Variants in LDB2 observed in about 807,000 individuals in gnomAD.
LDB2 encodes the protein LIM domain-binding protein 2.
Under a neutral mutation model 44.3 loss-of-function variants are expected in LDB2, and 12 were observed. The ratio of observed to expected loss-of-function variants is 0.27; its 90% CI spans 0.17 to 0.44. The LOEUF (loss-of-function observed/expected upper bound fraction) is 0.44. LDB2 is among the 20% of genes least tolerant of loss of function. LDB2 has a pLI of 1.00. For synonymous variants in LDB2, 164 were observed against 174.8 expected (o/e 0.94, Z 0.49); for missense variants, 344 against 473.5 (o/e 0.73, Z 2.54).
intron 1 of LDB2, among the ~76,000 whole-genome samples, chr4:16,807,427 G>A (rs1179620729): frequency 6.6e-6 from 1 of 152,192 alleles, no homozygotes; most frequent in Non-Finnish European, 1.5e-5. Flanking sequence ...CTGTGTGTGT[G>A]AGAAACAGAA....
chr4:16,812,629 A>ATG (rs1177533777), intron 1 of LDB2, among the ~76,000 whole-genome samples: 19 of 33,988 alleles, frequency 5.6e-4, no homozygotes, highest in African/African-American at 8.5e-4. Flanking sequence ...TGTATTAAAT[A>ATG]TATGTGTGTG....
intron 2 of LDB2, among the ~76,000 whole-genome samples, chr4:16,633,689 AAAGT>A (rs1732697225): frequency 6.6e-6 from 1 of 152,236 alleles, no homozygotes; most frequent in African/African-American, 2.4e-5. Flanking sequence ...CTCACTGCCC[AAAGT>A]AAGTTATAGG....
chr4:16,620,690 C>T (rs1728626827), intron 2 of LDB2, among the ~76,000 whole-genome samples: 1 of 152,146 alleles, frequency 6.6e-6, no homozygotes, highest in African/African-American at 2.4e-5. Flanking sequence ...CCAGCCCCTT[C>T]CCTTCCTCTT....
chr4:16,730,438 G>A (rs897958553), intron 2 of LDB2, among the ~76,000 whole-genome samples: 1 of 152,106 alleles, frequency 6.6e-6, no homozygotes, highest in Non-Finnish European at 1.5e-5. Context: ...AGCTCAGTGA[G>A]TCAATTAGGC....
At chr4:16,845,760 G>C (rs1034137920) in intron 1 of LDB2, among the ~76,000 whole-genome samples, 2 of 152,032 alleles carry the variant, frequency 1.3e-5, no homozygotes, top group African/African-American at 4.8e-5. Context: ...CTAATTTATG[G>C]GGATATTAAT....
chr4:16,763,864 C>CT (rs1432993711), intron 1 of LDB2, among the ~76,000 whole-genome samples: 1 of 151,804 alleles, frequency 6.6e-6, no homozygotes, highest in Non-Finnish European at 1.5e-5. Flanking sequence ...TTCTTTGCGT[C>CT]TGTTTGCTTG....
At chr4:16,510,618 A>G (rs1314425731) in intron 6 of LDB2, among the ~76,000 whole-genome samples, 1 of 152,156 alleles carries the variant, frequency 6.6e-6, no homozygotes, top group Non-Finnish European at 1.5e-5. Context: ...AAAATAATAG[A>G]CTTTGGAGAC....
At chr4:16,505,427 A>G (rs1413208576) in intron 7 of LDB2, among the ~76,000 whole-genome samples, 2 of 152,064 alleles carry the variant, frequency 1.3e-5, no homozygotes, top group African/African-American at 4.8e-5. Flanking sequence ...AGGGCTTCAT[A>G]TGCACATAGA....
intron 1 of LDB2, among the ~76,000 whole-genome samples, chr4:16,794,279 G>A (rs1776319192): frequency 1.3e-5 from 2 of 152,254 alleles, no homozygotes; most frequent in South Asian, 2.1e-4. Context: ...TTAGTTGACA[G>A]GAGGTGGAAG....
rs35227929 is a variant in LDB2, at chr4:16,634,296, C to CAA, written c.236-38423_236-38422dup. Among the ~76,000 whole-genome samples, 947 of 105,232 alleles carry CAA rather than the reference C, an allele frequency of 9.0e-3. 25 individuals carry two copies. Among genetic ancestry groups the CAA allele is most frequent in the Non-Finnish European group, 0.013 (718 of 54,414 alleles). 69.0% of individuals were successfully genotyped at this position (105,232 alleles called of 152,430 possible). ...ATTAAACTAAAGTCTTTTGCACGGC[C>CAA]AAAAAAAAAAAAAAAAAAAGCTATC... is the stretch of plus-strand genomic sequence containing the variant. On this transcript the variant is annotated intron_variant, in intron 2 of 7. Coordinates refer to ENST00000304523, the MANE Select transcript of LDB2 (RefSeq NM_001290.5).
intron 1 of LDB2, among the ~76,000 whole-genome samples, chr4:16,863,293 C>G (rs893482506): frequency 6.6e-6 from 1 of 152,152 alleles, no homozygotes; most frequent in Non-Finnish European, 1.5e-5. Context: ...ATCACCTCCC[C>G]CTTCTCCTCT....
chr4:16,553,617 G>T (rs564859430), intron 5 of LDB2, among the ~76,000 whole-genome samples: 9 of 152,190 alleles, frequency 5.9e-5, no homozygotes, highest in African/African-American at 1.7e-4. Context: ...AATGGAATTG[G>T]TACTCTTGAA....
intron 2 of LDB2, among the ~76,000 whole-genome samples, chr4:16,682,672 A>G (rs1748240600): frequency 6.6e-6 from 1 of 152,132 alleles, no homozygotes; most frequent in African/African-American, 2.4e-5. Flanking sequence ...TTCGTTCCCC[A>G]GAGGTCAACT....
At position 16,501,688 on chromosome 4, in the gene LDB2, A is replaced by G. The variant is rs949537215; in HGVS notation, c.*955T>C. 6 of 152,652 alleles carry G rather than the reference A, an allele frequency of 3.9e-5. No individual in the cohort carries two copies. Among genetic ancestry groups the G allele is most frequent in the African/African-American group, 1.4e-4 (6 of 41,458 alleles). 9.5% of individuals were successfully genotyped at this position (152,652 alleles called of 1,614,324 possible). ...AAATGGAAAAATTAATTCTCTTATA[A>G]AGTTTCACATAAATACACTGGAGTT... On this transcript the variant is annotated 3_prime_UTR_variant, in exon 8 of 8. Coordinates refer to ENST00000304523, the MANE Select transcript of LDB2 (RefSeq NM_001290.5).
chr4:16,851,090 G>A (rs1788142436), intron 1 of LDB2, among the ~76,000 whole-genome samples: 1 of 151,710 alleles, frequency 6.6e-6, no homozygotes, highest in Admixed American at 6.6e-5. Context: ...GAAGCAGTGG[G>A]GTGCTAGTGA....
At chr4:16,569,732 T>C (rs999201866) in intron 5 of LDB2, among the ~76,000 whole-genome samples, 11 of 152,158 alleles carry the variant, frequency 7.2e-5, no homozygotes, top group Non-Finnish European at 1.2e-4. Flanking sequence ...TGCAGCATGG[T>C]ATTTATTATT....
At chr4:16,645,760 G>A (rs1161313762) in intron 2 of LDB2, among the ~76,000 whole-genome samples, 2 of 152,102 alleles carry the variant, frequency 1.3e-5, no homozygotes, top group African/African-American at 4.8e-5. Context: ...ATGAGCTTTG[G>A]GTCAGAGTTT....
rs527439731 is a variant in LDB2 at position 16,785,561 on chromosome 4, C to G, written c.133-26301G>C. Among the ~76,000 whole-genome samples the G allele has an allele frequency of 3.5e-4, 54 of 152,206 alleles. 1 individual carries two copies. Among genetic ancestry groups the G allele is most frequent in the African/African-American group, 1.3e-3 (53 of 41,520 alleles). On this transcript the variant is annotated intron_variant, in intron 1 of 7. Transcript: ENST00000304523. ...TGCAATGGCCGGGCAGCAGCCGCAT[C>G]GGGTGAAAGCAGAGAAAACAATGTT...
chr4:16,847,477 G>A (rs1312611788), intron 1 of LDB2, among the ~76,000 whole-genome samples: 1 of 152,206 alleles, frequency 6.6e-6, no homozygotes, highest in Non-Finnish European at 1.5e-5. Flanking sequence ...CATCAAAGAT[G>A]TTTACCATAG....
Sources: gnomAD v4.1 joint callset for allele counts (sites outside exome capture counted in the v4.1 genomes callset) on GRCh38, gnomAD v4.1.1 for gene constraint, MANE v1.5 for transcripts, NCBI Gene and HGNC (gene_info 2026-07-23, HGNC 2026-07-21) for gene names.